The following FGF17 variants were observed in gnomAD, a reference collection of about 807,000 sequenced individuals.
The protein encoded by FGF17 is fibroblast growth factor 17.
In FGF17, 5 loss-of-function variants were observed where a neutral mutation model predicts 23.5. The ratio of observed to expected loss-of-function variants is 0.21; its 90% CI spans 0.11 to 0.45. The LOEUF (loss-of-function observed/expected upper bound fraction) is 0.45. FGF17 is among the 20% of genes least tolerant of loss of function. The probability of loss-of-function intolerance (pLI) is 0.99; values close to 1 mark genes in which losing one functional copy is unlikely to be tolerated. For synonymous variants in FGF17, 136 were observed against 123.0 expected (o/e 1.11, Z -0.70); for missense variants, 221 against 306.9 (o/e 0.72, Z 2.09).
At chr8:22,047,737 G>A (rs551514849) in intron 4 of FGF17, among the ~76,000 whole-genome samples, 2 of 152,324 alleles carry the variant, frequency 1.3e-5, no homozygotes, top group Admixed American at 6.5e-5. Context: ...GTTCAGGACC[G>A]CTAAACGACA....
chr8:22,048,385 C>T lies in FGF17; in HGVS notation c.*136C>T. 1.2e-6 allele frequency: 1 copy of T among 814,430 alleles called. No individual in the cohort carries two copies. The highest frequency in any genetic ancestry group is 1.8e-5 in the South Asian group (1 of 54,700). The allele number at this position is 814,430 out of a possible 1,614,324, so 50.5% of individuals were successfully genotyped here. A position where few individuals can be genotyped will look rare whatever the true frequency, so the allele number is the denominator to read the frequency against. The stretch of plus-strand genomic sequence containing the variant: ...CCCTGAGGGCCGCGAAGCATCCGAG[C>T]CCCCAGCTGGGAAGGGGCAGGCCGG... On this transcript the variant is annotated 3_prime_UTR_variant, in exon 5 of 5. Coordinates refer to ENST00000359441, the MANE Select transcript of FGF17 (RefSeq NM_003867.4). This position sits in a 1 kb window ranked among gnomAD's most constrained non-coding sequence, Gnocchi z 6.9.
At chr8:22,040,957 C>A (rs762705157), upstream of FGF17, among the ~76,000 whole-genome samples, 15 of 152,134 alleles carry the variant, frequency 9.9e-5, no homozygotes, top group Non-Finnish European at 2.2e-4. Flanking sequence ...GAAGGATCCG[C>A]AGGGGGAAAG....
In FGF17 at chr8:22,047,975, A is replaced by G. The variant is rs772105460; in HGVS notation, c.377A>G (p.Asp126Gly). The G allele has an allele frequency of 1.9e-6, 3 of 1,604,110 alleles. No individual in the cohort carries two copies. The highest frequency in any genetic ancestry group is 2.7e-5 in the African/African-American group (2 of 74,728). The change falls in exon 5 of 5, where the codon GAC becomes GGC. Residue 126 changes from aspartate (D) to glycine (G), a missense_variant. By Grantham distance (94) the Asp-to-Gly change is moderately conservative. Around this residue, in one of 3 missense-constraint regions of FGF17, gnomAD observed 128 missense variants for 150.4 expected, o/e 0.85. Transcript: ENST00000359441. ...CCGCAGCCCAGCGGGAAGAGCAAAG[A>G]CTGCGTGTTCACGGAGATCGTGCTG... ...LIGKPSGKSK[D>G]CVFTEIVLEN...
In FGF17 at chr8:22,048,317, T is replaced by C; in HGVS notation, c.*68T>C. The C allele has an allele frequency of 3.0e-6, 4 of 1,318,450 alleles. No homozygotes were observed. The highest frequency in any genetic ancestry group is 4.1e-6 in the Non-Finnish European group (4 of 972,758). The allele number at this position is 1,318,450 out of a possible 1,614,324, so 81.7% of individuals were successfully genotyped here. A position where few individuals can be genotyped will look rare whatever the true frequency, so the allele number is the denominator to read the frequency against. On this transcript the variant is annotated 3_prime_UTR_variant, in exon 5 of 5. Coordinates refer to ENST00000359441, the MANE Select transcript of FGF17 (RefSeq NM_003867.4). The surrounding 1 kb of genome is among the most constrained non-coding windows in gnomAD (Gnocchi z 6.9). ...CCCTTTCCCTTCTTAATCCAAGGAC[T>C]GGGCTGGGGTGGCGGGAGGGGAGCC...
At chr8:22,047,465 T>G (rs1037392764) in intron 4 of FGF17, among the ~76,000 whole-genome samples, 1 of 152,112 alleles carries the variant, frequency 6.6e-6, no homozygotes, top group African/African-American at 2.4e-5. Context: ...CAAATAACCT[T>G]TGGTTTGCTT....
At chr8:22,044,687 G>A (rs1317656352) in intron 2 of FGF17, 1 of 985,758 alleles carries the variant, frequency 1.0e-6, no homozygotes, top group Non-Finnish European at 1.2e-6. Context: ...GTGGGGCGAG[G>A]GGCAGGTCTT....
chr8:22,041,804 TC>T (rs1800743511), upstream of FGF17, among the ~76,000 whole-genome samples: 1 of 152,166 alleles, frequency 6.6e-6, no homozygotes, highest in Non-Finnish European at 1.5e-5. Context: ...AGTTTCCTCA[TC>T]TGCAAAATGG....
At chr8:22,042,729 T>C (rs1800758802), upstream of FGF17, 2 of 620,672 alleles carry the variant, frequency 3.2e-6, no homozygotes, top group Non-Finnish European at 5.7e-6. Context: ...CATACCTCAG[T>C]CTCCCAATTA....
chr8:22,045,033 T>C (rs1800833255), intron 2 of FGF17: 1 of 985,616 alleles, frequency 1.0e-6, no homozygotes, highest in South Asian at 4.7e-5. Context: ...ATTCTCATGC[T>C]AGAGCTGAGG....
At position 22,046,518 on chromosome 8, in the gene FGF17, C is replaced by A. The variant is rs199703542; in HGVS notation, c.251-9C>A. 102 of 1,608,428 alleles carry A rather than the reference C, an allele frequency of 6.3e-5. No individual in the cohort carries two copies. The African/African-American group carries it at 9.9e-4, about 16-fold the overall frequency. ...TGGACGGAGGTCTTTCTCCCCTCCC[C>A]CACCACAGCCAAGCTCATAGTGGAG... On this transcript the variant is annotated splice_polypyrimidine_tract_variant and intron_variant, in intron 3 of 4. Coordinates refer to ENST00000359441, the MANE Select transcript of FGF17 (RefSeq NM_003867.4).
In FGF17 at chr8:22,047,938, T is replaced by C; in HGVS notation, c.358-18T>C. On this transcript the variant is annotated intron_variant, in intron 4 of 4. Coordinates refer to ENST00000359441, the MANE Select transcript of FGF17 (RefSeq NM_003867.4). The stretch of plus-strand genomic sequence containing the variant: ...GGTAGGTGGACAAATGCCCTTCCTG[T>C]CCTTGCTTCTCCCGCAGCCCAGCGG... 1 of 1,593,204 alleles carries C rather than the reference T, an allele frequency of 6.3e-7. No homozygotes were observed. The highest frequency in any genetic ancestry group is 1.1e-5 in the South Asian group (1 of 89,900).
chr8:22,047,313 C>T (rs947353850), intron 4 of FGF17, among the ~76,000 whole-genome samples: 1 of 152,182 alleles, frequency 6.6e-6, no homozygotes, highest in Non-Finnish European at 1.5e-5. Flanking sequence ...TCAGTGGGGC[C>T]AGTGGGCTCC....
chr8:22,043,583 C>G (rs911000498), intron 2 of FGF17, among the ~76,000 whole-genome samples: 21 of 152,166 alleles, frequency 1.4e-4, no homozygotes, highest in African/African-American at 4.6e-4. Context: ...CTCGCCACCC[C>G]ACTCCCATCA....
At chr8:22,040,093 A>G (rs1800716519), upstream of FGF17, among the ~76,000 whole-genome samples, 1 of 149,278 alleles carries the variant, frequency 6.7e-6, no homozygotes, top group Admixed American at 6.7e-5. Flanking sequence ...CCTTTCCCCG[A>G]GCTCACTCCA....
At chr8:22,045,924 CGCAAA>C in intron 2 of FGF17, 185 bp from the exon 3 acceptor site, 3 of 1,494,848 alleles carry the variant, frequency 2.0e-6, no homozygotes, top group Non-Finnish European at 1.8e-6. Context: ...GTAAGGTAGA[CGCAAA>C]GCAAAGAGGT....
At position 22,048,102 on chromosome 8, in the gene FGF17, C is replaced by A; in HGVS notation, c.504C>A (p.Asn168Lys). ...RPRQASRSRQ[N>K]QREAHFIKRL... Reference sequence around the variant, plus strand: ...GCCAGGCTTCCCGCAGCCGCCAGAACCAGCGCGAGGCCCACTTCATCAAGC... The same window carrying A: ...GCCAGGCTTCCCGCAGCCGCCAGAAACAGCGCGAGGCCCACTTCATCAAGC... Residue 168 changes from asparagine (N) to lysine (K), a missense_variant, in exon 5 of 5, where the codon AAC (asparagine) becomes AAA (lysine). Transcript: ENST00000359441. The surrounding 1 kb of genome is among the most constrained non-coding windows in gnomAD (Gnocchi z 6.9). 1 of 1,613,306 alleles carries A rather than the reference C, an allele frequency of 6.2e-7. No homozygotes were observed. The highest frequency in any genetic ancestry group is 8.5e-7 in the Non-Finnish European group (1 of 1,179,840).
At chr8:22,041,929 C>T (rs3176258), upstream of FGF17, among the ~76,000 whole-genome samples, 695 of 152,290 alleles carry the variant, frequency 4.6e-3, 3 homozygotes, top group Non-Finnish European at 7.1e-3. Context: ...GAGGGGACTC[C>T]GAGCTGCTCC....
At chr8:22,041,577 G>A (rs1209754743), upstream of FGF17, among the ~76,000 whole-genome samples, 2 of 152,092 alleles carry the variant, frequency 1.3e-5, no homozygotes, top group East Asian at 3.9e-4. Flanking sequence ...GAACAGCATG[G>A]AGCTCTCTGT....
Position 22,046,298 on chromosome 8 carries a change from G to C in FGF17, c.250+7G>C, listed in dbSNP as rs200194065. The C allele has an allele frequency of 3.7e-6, 6 of 1,611,686 alleles. No homozygotes were observed. In the African/African-American group the frequency reaches 8.0e-5, roughly 22 times the overall value. On this transcript the variant is annotated splice_region_variant and intron_variant, in intron 3 of 4. Transcript: ENST00000359441. ...GAGGACGGCAACAAGTTTGGTGAGA[G>C]TTGGCCCTCCCCCCAGGGCACCCAC...
Sources: allele counts gnomAD v4.1 joint callset (sites outside exome capture counted in the v4.1 genomes callset), GRCh38; gene constraint gnomAD v4.1.1; regional missense constraint gnomAD v4.1.1; non-coding constraint Gnocchi (gnomAD v3.1); transcripts MANE v1.5; gene names NCBI Gene and HGNC (gene_info 2026-07-23, HGNC 2026-07-21).